The following ORC3 variants were observed in gnomAD, a reference collection of about 807,000 sequenced individuals.
ORC3 encodes origin recognition complex subunit 3.
ORC3 carries 78 observed loss-of-function variants against 100.7 expected under a neutral mutation model. That is an observed-to-expected ratio of 0.77 (90% confidence interval 0.65 to 0.94). The LOEUF (loss-of-function observed/expected upper bound fraction) is 0.94, where lower values mean the gene tolerates loss of function less well. Ranked by LOEUF, ORC3 falls within the 40% of genes least tolerant of loss-of-function variation. ORC3 has a pLI of 0.00. For synonymous variants in ORC3, 295 were observed against 289.3 expected (o/e 1.02, Z -0.20); for missense variants, 789 against 823.9 (o/e 0.96, Z 0.52).
chr6:87,612,635 G>C (rs1204594734), intron 8 of ORC3, among the ~76,000 whole-genome samples: 1 of 152,100 alleles, frequency 6.6e-6, no homozygotes, highest in Non-Finnish European at 1.5e-5. Flanking sequence ...TTTTTGAGAA[G>C]GAGTCTAGCT....
intron 11 of ORC3, among the ~76,000 whole-genome samples, chr6:87,629,383 G>C (rs1447027260): frequency 6.6e-6 from 1 of 152,150 alleles, no homozygotes; most frequent in Non-Finnish European, 1.5e-5. Context: ...CAATTTTAGA[G>C]ACAAAAGTGG....
At chr6:87,618,262 T>G (rs575937098) in intron 9 of ORC3, among the ~76,000 whole-genome samples, 3 of 151,918 alleles carry the variant, frequency 2.0e-5, no homozygotes, top group African/African-American at 7.2e-5. Context: ...TACAAAAAAT[T>G]AGCCAGGCAT....
At chr6:87,615,732 T>G (rs1248081887) in intron 8 of ORC3, among the ~76,000 whole-genome samples, 1 of 152,228 alleles carries the variant, frequency 6.6e-6, no homozygotes, top group Non-Finnish European at 1.5e-5. Flanking sequence ...ATAGCCAAGT[T>G]CAATTGGCCT....
At chr6:87,613,047 A>G (rs965034415) in intron 8 of ORC3, among the ~76,000 whole-genome samples, 2 of 152,380 alleles carry the variant, frequency 1.3e-5, no homozygotes, top group African/African-American at 2.4e-5. Flanking sequence ...ATGTTTCTAC[A>G]TAAATGCAAG....
In ORC3 at chr6:87,609,240, T is replaced by C; in HGVS notation, c.713+11T>C. The stretch of plus-strand genomic sequence containing the variant: ...CATAATTATCAGCAGGTAGATGGTG[T>C]ATTACCTGGCTTTTATGAAAAACTC... On this transcript the variant is annotated intron_variant, in intron 7 of 19. Coordinates refer to ENST00000392844, the MANE Select transcript of ORC3 (RefSeq NM_012381.4). The C allele has an allele frequency of 2.6e-6, 4 of 1,544,246 alleles. No individual in the cohort carries two copies. In the South Asian group the frequency reaches 3.8e-5, roughly 14 times the overall value.
At position 87,634,828 on chromosome 6, in the gene ORC3, T is replaced by C. The variant is rs1296077522; in HGVS notation, c.1186-17T>C. On this transcript the variant is annotated splice_polypyrimidine_tract_variant and intron_variant, in intron 11 of 19. Transcript: ENST00000392844. ...TTAGCTGACTTACATATTAATAATA[T>C]ATTCTGTGATTTTTAGGAGGAAACA... 6.4e-6 allele frequency: 7 copies of C among 1,099,122 alleles called. No individual in the cohort carries two copies. The highest frequency in any genetic ancestry group is 7.0e-6 in the Non-Finnish European group (5 of 712,232). 68.1% of individuals were successfully genotyped at this position (1,099,122 alleles called of 1,614,324 possible). A position where few individuals can be genotyped will look rare whatever the true frequency, so the allele number is the denominator to read the frequency against.
chr6:87,631,577 C>A (rs1767422741), intron 11 of ORC3, among the ~76,000 whole-genome samples: 1 of 152,072 alleles, frequency 6.6e-6, no homozygotes, highest in Non-Finnish European at 1.5e-5. Context: ...ACGGCAACCT[C>A]CGCCTCCTGG....
intron 11 of ORC3, among the ~76,000 whole-genome samples, chr6:87,624,085 T>A (rs951713731): frequency 6.6e-6 from 1 of 152,144 alleles, no homozygotes; most frequent in Non-Finnish European, 1.5e-5. Context: ...TAGAGACTTA[T>A]ACAGTGAGAA....
downstream of ORC3, among the ~76,000 whole-genome samples, chr6:87,668,322 A>G (rs1324649580): frequency 2.0e-5 from 3 of 152,182 alleles, no homozygotes. Context: ...CAGGCTTTGA[A>G]GAGTTTTATG....
Position 87,664,814 on chromosome 6 carries a change from G to C in ORC3, c.1905G>C (p.Leu635=), listed in dbSNP as rs144517793. 1 of 1,613,928 alleles carries C rather than the reference G, an allele frequency of 6.2e-7. No individual in the cohort carries two copies. Among genetic ancestry groups the C allele is most frequent in the African/African-American group, 1.3e-5 (1 of 74,928 alleles). The part of the protein sequence containing the change: ...IAPDICIAYK[L]HLECSRLINL... ...CAGACATCTGCATAGCATACAAACT[G>C]CACCTAGAGTGTAGCAGGCTCATCA... The change falls in exon 18 of 20, where the codon CTG becomes CTC. Residue 635 remains leucine (L), a synonymous_variant. Coordinates refer to ENST00000392844, the MANE Select transcript of ORC3 (RefSeq NM_012381.4).
At chr6:87,636,244 C>G (rs1306583607) in intron 12 of ORC3, among the ~76,000 whole-genome samples, 163 bp from the exon 13 acceptor site, 1 of 152,122 alleles carries the variant, frequency 6.6e-6, no homozygotes, top group African/African-American at 2.4e-5. Context: ...AAATTGCATT[C>G]TTATAAAGCC....
At chr6:87,622,938 T>C (rs1343053664) in intron 11 of ORC3, among the ~76,000 whole-genome samples, 2 of 152,190 alleles carry the variant, frequency 1.3e-5, no homozygotes, top group African/African-American at 4.8e-5. Context: ...TTTATTTTCA[T>C]ACTCCTCATG....
chr6:87,653,675 G>T (rs1769449329), intron 14 of ORC3, among the ~76,000 whole-genome samples: 1 of 152,182 alleles, frequency 6.6e-6, no homozygotes, highest in South Asian at 2.1e-4. Context: ...AAAATTAATA[G>T]CTATGAACTG....
At chr6:87,666,217 C>T (rs943881806) in intron 19 of ORC3, among the ~76,000 whole-genome samples, 2 of 152,038 alleles carry the variant, frequency 1.3e-5, no homozygotes, top group African/African-American at 2.4e-5. Flanking sequence ...CTGCAACGTC[C>T]GCCTCCTGGG....
At chr6:87,648,639 C>T (rs1198047962) in intron 13 of ORC3, among the ~76,000 whole-genome samples, 1 of 152,128 alleles carries the variant, frequency 6.6e-6, no homozygotes, top group African/African-American at 2.4e-5. Context: ...TTTGTTTTCT[C>T]ATCTCTAACA....
intron 2 of ORC3, chr6:87,594,696 G>T (rs1562313886): frequency 2.6e-6 from 1 of 383,378 alleles, no homozygotes; most frequent in African/African-American, 2.1e-5. Context: ...CTCTGCCATT[G>T]TTTTTTTATC....
intron 8 of ORC3, among the ~76,000 whole-genome samples, chr6:87,612,487 C>G (rs1433070458): frequency 6.6e-6 from 1 of 152,082 alleles, no homozygotes; most frequent in Non-Finnish European, 1.5e-5. Context: ...GTGATCATAT[C>G]TCTCTATGTA....
intron 13 of ORC3, among the ~76,000 whole-genome samples, chr6:87,649,843 A>T (rs1365797275): frequency 2.0e-5 from 3 of 152,146 alleles, no homozygotes; most frequent in Non-Finnish European, 4.4e-5. Context: ...TACAATAGTG[A>T]GTGTTAAAAT....
chr6:87,655,875 A>G (rs1655272559), intron 14 of ORC3, among the ~76,000 whole-genome samples: 1 of 152,192 alleles, frequency 6.6e-6, no homozygotes, highest in Non-Finnish European at 1.5e-5. Context: ...ACATGGGACA[A>G]AGAATCTAGT....
Sources: allele counts gnomAD v4.1 joint callset (sites outside exome capture counted in the v4.1 genomes callset), GRCh38; gene constraint gnomAD v4.1.1; transcripts MANE v1.5; gene names NCBI Gene and HGNC (gene_info 2026-07-23, HGNC 2026-07-21).